Variants in SEMA3E observed in about 807,000 individuals in gnomAD.
SEMA3E encodes semaphorin 3E.
SEMA3E carries 49 observed loss-of-function variants against 93.6 expected under a neutral mutation model. The ratio of observed to expected loss-of-function variants is 0.52; its 90% CI spans 0.42 to 0.66. The LOEUF (loss-of-function observed/expected upper bound fraction) is 0.66. Ranked by LOEUF, SEMA3E falls within the 30% of genes least tolerant of loss-of-function variation. The pLI, the probability that SEMA3E is intolerant of heterozygous loss-of-function variation, is 0.00. For synonymous variants in SEMA3E, 363 were observed against 330.7 expected (o/e 1.10, Z -1.06); for missense variants, 906 against 964.8 (o/e 0.94, Z 0.81).
intron 14 of SEMA3E, among the ~76,000 whole-genome samples, chr7:83,391,231 TTAAA>T (rs1273407071): frequency 6.6e-6 from 1 of 152,142 alleles, no homozygotes; most frequent in Non-Finnish European, 1.5e-5. Flanking sequence ...ATTTTGAGAA[TTAAA>T]TAAAGTATTA....
intron 1 of SEMA3E, among the ~76,000 whole-genome samples, chr7:83,544,571 A>G (rs1791606311): frequency 6.6e-6 from 1 of 152,148 alleles, no homozygotes; most frequent in South Asian, 2.1e-4. Flanking sequence ...AGTAATTTAT[A>G]TGCATTATCT....
intron 1 of SEMA3E, among the ~76,000 whole-genome samples, chr7:83,579,806 A>C (rs1792482791): frequency 6.6e-6 from 1 of 152,112 alleles, no homozygotes; most frequent in Admixed American, 6.6e-5. Context: ...CGTGTAACCC[A>C]AAACCACCTG....
Position 83,493,971 on chromosome 7 carries a change from A to G in SEMA3E, c.116-3697T>C, listed in dbSNP as rs571001600. Among the ~76,000 whole-genome samples the G allele has an allele frequency of 1.2e-3, 177 of 152,030 alleles. 1 individual carries two copies. The highest frequency in any genetic ancestry group is 2.1e-3 in the Non-Finnish European group (145 of 67,852). On this transcript the variant is annotated intron_variant, in intron 1 of 16. Transcript: ENST00000643230. ...TGGACATGGAGCCATTCTAAAATAG[A>G]AACTATTTTTGAAAAGATGTGAATG...
At chr7:83,395,294 G>C (rs1232119570) in intron 12 of SEMA3E, among the ~76,000 whole-genome samples, 1 of 152,114 alleles carries the variant, frequency 6.6e-6, no homozygotes, top group East Asian at 1.9e-4. Flanking sequence ...ATAGTGGTTA[G>C]CTTTGAGTGT....
chr7:83,569,595 A>G (rs763404786), intron 1 of SEMA3E, among the ~76,000 whole-genome samples: 58 of 152,210 alleles, frequency 3.8e-4, no homozygotes, highest in Non-Finnish European at 6.5e-4. Flanking sequence ...TTCTTATAAC[A>G]GATAAAGTAG....
At chr7:83,472,134 T>G (rs1190942331) in intron 2 of SEMA3E, among the ~76,000 whole-genome samples, 2 of 152,204 alleles carry the variant, frequency 1.3e-5, no homozygotes, top group African/African-American at 4.8e-5. Flanking sequence ...TTTTTGGATC[T>G]GTGTAAGAAA....
intron 13 of SEMA3E, 33 bp downstream of exon 13, chr7:83,394,264 A>G (rs776424821): frequency 6.8e-6 from 10 of 1,469,576 alleles, no homozygotes; most frequent in Non-Finnish European, 9.0e-6. Context: ...TATAGAACAC[A>G]CACACCTACA....
chr7:83,604,825 C>T (rs1011936811), intron 1 of SEMA3E, among the ~76,000 whole-genome samples: 6 of 152,038 alleles, frequency 3.9e-5, no homozygotes. Context: ...TGTCGTTCCC[C>T]TCCCTGTGTC....
chr7:83,403,913 T>A (rs1328424944), intron 9 of SEMA3E, among the ~76,000 whole-genome samples: 1 of 151,954 alleles, frequency 6.6e-6, no homozygotes, highest in African/African-American at 2.4e-5. Context: ...CAGATTTATA[T>A]AAATTGAACA....
chr7:83,569,662 A>G (rs1461161671), intron 1 of SEMA3E, among the ~76,000 whole-genome samples: 1 of 152,224 alleles, frequency 6.6e-6, no homozygotes, highest in Admixed American at 6.5e-5. Flanking sequence ...ACAATTAAGG[A>G]TTCAATAAAC....
chr7:83,389,799 A>G (rs1273593916), intron 14 of SEMA3E, among the ~76,000 whole-genome samples: 2 of 62,114 alleles, frequency 3.2e-5, no homozygotes, highest in African/African-American at 1.3e-4. Context: ...ACATATATAC[A>G]CGTATATATT....
chr7:83,493,336 C>T (rs181782644), intron 1 of SEMA3E, among the ~76,000 whole-genome samples: 1 of 151,882 alleles, frequency 6.6e-6, no homozygotes, highest in African/African-American at 2.4e-5. Flanking sequence ...TGCTCTGACT[C>T]TAAATGATTA....
intron 1 of SEMA3E, among the ~76,000 whole-genome samples, chr7:83,543,136 A>G (rs1476300880): frequency 1.3e-5 from 2 of 152,040 alleles, no homozygotes; most frequent in African/African-American, 2.4e-5. Context: ...TCAGTAAGTG[A>G]TGGTTATTAT....
In SEMA3E at chr7:83,488,362, G is replaced by A. The variant is rs190845793; in HGVS notation, c.276+1752C>T. Among the ~76,000 whole-genome samples the A allele has an allele frequency of 3.3e-5, 5 of 152,188 alleles. No homozygotes were observed. In the East Asian group the frequency reaches 9.7e-4, roughly 29 times the overall value. ...GGGTATAAAAAGAGAGATGCTAAGAGAAACAGGAGAAGGTTTTAAAACACA... is the reference window on the plus strand; with the variant it reads ...GGGTATAAAAAGAGAGATGCTAAGAAAAACAGGAGAAGGTTTTAAAACACA... On this transcript the variant is annotated intron_variant, in intron 2 of 16. Coordinates refer to ENST00000643230, the MANE Select transcript of SEMA3E (RefSeq NM_012431.3).
chr7:83,511,861 A>T (rs866637675), intron 1 of SEMA3E, among the ~76,000 whole-genome samples: 6 of 152,060 alleles, frequency 3.9e-5, no homozygotes, highest in Non-Finnish European at 8.8e-5. Context: ...GCGCCATTAC[A>T]CTCCAGCCTG....
chr7:83,513,927 G>C (rs1790875903), intron 1 of SEMA3E, among the ~76,000 whole-genome samples: 1 of 152,078 alleles, frequency 6.6e-6, no homozygotes, highest in African/African-American at 2.4e-5. Flanking sequence ...GAAACCTACT[G>C]GGCTGCATTC....
intron 4 of SEMA3E, among the ~76,000 whole-genome samples, chr7:83,430,617 G>A (rs1187016693): frequency 6.6e-6 from 1 of 152,102 alleles, no homozygotes; most frequent in African/African-American, 2.4e-5. Flanking sequence ...TCGTAAGTGG[G>A]AGTTGAACAA....
At chr7:83,520,871 C>T (rs1791030280) in intron 1 of SEMA3E, among the ~76,000 whole-genome samples, 1 of 152,244 alleles carries the variant, frequency 6.6e-6, no homozygotes, top group East Asian at 1.9e-4. Context: ...AGAGAATAAG[C>T]TGGAATATTG....
At chr7:83,549,456 C>T (rs899567419) in intron 1 of SEMA3E, among the ~76,000 whole-genome samples, 1 of 152,104 alleles carries the variant, frequency 6.6e-6, no homozygotes, top group African/African-American at 2.4e-5. Context: ...TTCCTTTACA[C>T]ACAAACATGG....
Sources: allele counts gnomAD v4.1 joint callset (sites outside exome capture counted in the v4.1 genomes callset), GRCh38; gene constraint gnomAD v4.1.1; transcripts MANE v1.5; gene names NCBI Gene and HGNC (gene_info 2026-07-23, HGNC 2026-07-21).